The following TMEM177 variants were observed in gnomAD, a reference collection of about 807,000 sequenced individuals.
TMEM177 encodes the protein transmembrane protein 177.
TMEM177 carries 4 observed loss-of-function variants against 14.2 expected under a neutral mutation model. That is an observed-to-expected ratio of 0.28 (90% CI 0.14 to 0.64). TMEM177 has a LOEUF of 0.64. Ranked by LOEUF, TMEM177 falls within the 30% of genes least tolerant of loss-of-function variation. TMEM177 has a pLI of 0.82. For synonymous variants in TMEM177, 179 were observed against 174.5 expected (o/e 1.03, Z -0.20); for missense variants, 344 against 405.2 (o/e 0.85, Z 1.30).
downstream of TMEM177, among the ~76,000 whole-genome samples, chr2:119,682,504 G>A (rs1574269159): frequency 6.6e-6 from 1 of 152,128 alleles, no homozygotes; most frequent in African/African-American, 2.4e-5. Context: ...TTAAGGTGAG[G>A]GGGCCTTAAG....
At chr2:119,705,791 C>T in the TMEM177 span, among the ~76,000 whole-genome samples, 1 of 151,716 alleles carries the variant, frequency 6.6e-6, no homozygotes, top group African/African-American at 2.4e-5. Flanking sequence ...GGGGGTTATA[C>T]AGGGTGTGAC....
At chr2:119,698,080 A>AG in the TMEM177 span, among the ~76,000 whole-genome samples, 4,012 of 152,322 alleles carry the variant, frequency 0.026, 56 homozygotes, top group Non-Finnish European at 0.032. Flanking sequence ...CAGGAAGGTG[A>AG]GGGCAGAACT....
At chr2:119,706,035 A>ATATTT in the TMEM177 span, among the ~76,000 whole-genome samples, 18 of 91,880 alleles carry the variant, frequency 2.0e-4, no homozygotes, top group East Asian at 8.0e-4. Context: ...ATATATATAT[A>ATATTT]TTTTTTTGAG....
rs759666585 is a variant in TMEM177 at position 119,681,202 on chromosome 2, A to G, written c.349A>G (p.Asn117Asp). ...PASFLGDLVI[N>D]TNHPVVIHGH... ...CAGTTTCTTGGGAGACCTAGTGATC[A>G]ACACTAACCATCCCGTGGTCATACA... Residue 117 changes from asparagine to aspartate, a missense_variant, in exon 2 of 2, where the codon AAC becomes GAC. Asn to Asp is a conservative substitution (Grantham distance 23, BLOSUM62 1). Coordinates refer to ENST00000272521, the MANE Select transcript of TMEM177 (RefSeq NM_030577.3). 6 of 1,614,216 alleles carry G rather than the reference A, an allele frequency of 3.7e-6. No individual in the cohort carries two copies. The African/African-American group carries it at 5.3e-5, about 14-fold the overall frequency.
chr2:119,720,297 G>A, the TMEM177 span, among the ~76,000 whole-genome samples: 13 of 149,358 alleles, frequency 8.7e-5, no homozygotes, highest in African/African-American at 1.5e-4. Flanking sequence ...TTTTTGAGAC[G>A]GAGTTTCCCT....
At chr2:119,683,754 G>T (rs897127837), downstream of TMEM177, among the ~76,000 whole-genome samples, 1 of 152,144 alleles carries the variant, frequency 6.6e-6, no homozygotes, top group African/African-American at 2.4e-5. Flanking sequence ...TCCTCCAGCC[G>T]TGTGTATGTG....
In TMEM177 at chr2:119,681,019, C is replaced by G; in HGVS notation, c.166C>G (p.Pro56Ala). The G allele has an allele frequency of 1.2e-6, 2 of 1,614,230 alleles. No individual in the cohort carries two copies. Among genetic ancestry groups the G allele is most frequent in the Non-Finnish European group, 1.7e-6 (2 of 1,180,050 alleles). The change falls in exon 2 of 2, where the codon CCG becomes GCG. Residue 56 changes from proline (P) to alanine (A), a missense_variant. Pro to Ala is a conservative substitution (Grantham distance 27, BLOSUM62 -1). Coordinates refer to ENST00000272521, the MANE Select transcript of TMEM177 (RefSeq NM_030577.3). ...YQYWPQGQPA[P>A]LPPQLQSLFQ... ...GTACTGGCCTCAGGGCCAGCCAGCTCCGCTCCCTCCACAGCTGCAGAGCCT... is the reference window on the plus strand; with the variant it reads ...GTACTGGCCTCAGGGCCAGCCAGCTGCGCTCCCTCCACAGCTGCAGAGCCT...
chr2:119,696,333 A>G, the TMEM177 span, among the ~76,000 whole-genome samples: 13 of 152,162 alleles, frequency 8.5e-5, no homozygotes, highest in Non-Finnish European at 1.8e-4. Context: ...AGACCTGGGG[A>G]GAAGGTCTGT....
chr2:119,682,629 CGA>C (rs1688934874), downstream of TMEM177, among the ~76,000 whole-genome samples: 5 of 152,196 alleles, frequency 3.3e-5, no homozygotes, highest in Admixed American at 3.3e-4. Flanking sequence ...TCCAGAACTC[CGA>C]GATCTGTGGC....
Position 119,681,036 on chromosome 2 carries a change from G to T in TMEM177, c.183G>T (p.Leu61=). The change falls in exon 2 of 2, where the codon CTG becomes CTT. Residue 61 remains leucine, a synonymous_variant. Transcript: ENST00000272521. ...QGQPAPLPPQ[L]QSLFQEVLQD... Reference sequence around the variant, plus strand: ...AGCCAGCTCCGCTCCCTCCACAGCTGCAGAGCCTCTTCCAAGAGGTGCTAC... The same window carrying T: ...AGCCAGCTCCGCTCCCTCCACAGCTTCAGAGCCTCTTCCAAGAGGTGCTAC... 6.2e-7 allele frequency: 1 copy of T among 1,614,232 alleles called. No homozygotes were observed. Among genetic ancestry groups the T allele is most frequent in the Non-Finnish European group, 8.5e-7 (1 of 1,180,044 alleles).
chr2:119,701,879 G>C, the TMEM177 span, among the ~76,000 whole-genome samples: 1 of 152,230 alleles, frequency 6.6e-6, no homozygotes, highest in African/African-American at 2.4e-5. Flanking sequence ...TTTTCTTGCT[G>C]TCTTCTGTTC....
the TMEM177 span, among the ~76,000 whole-genome samples, chr2:119,717,777 T>TTTGTTG: frequency 6.6e-6 from 1 of 151,650 alleles, no homozygotes. Context: ...CCCAGCTAAT[T>TTTGTTG]TTGTTGTTGT....
At chr2:119,694,065 T>C in the TMEM177 span, among the ~76,000 whole-genome samples, 6 of 135,016 alleles carry the variant, frequency 4.4e-5, no homozygotes, top group Non-Finnish European at 7.7e-5. Context: ...ACATGCAACA[T>C]ACACACACAA....
chr2:119,687,087 C>T (rs1021326964), downstream of TMEM177, among the ~76,000 whole-genome samples: 1 of 152,164 alleles, frequency 6.6e-6, no homozygotes, highest in Admixed American at 6.6e-5. Flanking sequence ...GGTATATCAC[C>T]TCAGTGATTA....
chr2:119,685,081 A>C (rs1045932110), downstream of TMEM177, among the ~76,000 whole-genome samples: 2 of 151,986 alleles, frequency 1.3e-5, no homozygotes, highest in African/African-American at 2.4e-5. Context: ...GCCTCTCCCC[A>C]TCCCAGGTTC....
chr2:119,719,847 A>G, the TMEM177 span, among the ~76,000 whole-genome samples: 1 of 152,170 alleles, frequency 6.6e-6, no homozygotes, highest in African/African-American at 2.4e-5. Context: ...AGGCTGGTGT[A>G]CAGTGGTGCA....
At chr2:119,722,208 C>T in the TMEM177 span, among the ~76,000 whole-genome samples, 1 of 151,932 alleles carries the variant, frequency 6.6e-6, no homozygotes, top group African/African-American at 2.4e-5. Flanking sequence ...AGCAAGACCC[C>T]ATTTCTACAA....
the TMEM177 span, among the ~76,000 whole-genome samples, chr2:119,705,230 C>T: frequency 6.6e-6 from 1 of 152,164 alleles, no homozygotes; most frequent in South Asian, 2.1e-4. Flanking sequence ...TGGCTTATTC[C>T]AGCACACATT....
chr2:119,694,757 G>A, the TMEM177 span, among the ~76,000 whole-genome samples: 2 of 152,208 alleles, frequency 1.3e-5, no homozygotes, highest in Non-Finnish European at 2.9e-5. Context: ...TGAGGGTGGC[G>A]GGGAGCAGAG....
Sources: allele counts gnomAD v4.1 joint callset (sites outside exome capture counted in the v4.1 genomes callset), GRCh38; gene constraint gnomAD v4.1.1; transcripts MANE v1.5; gene names NCBI Gene and HGNC (gene_info 2026-07-23, HGNC 2026-07-21).